The following HBS1L variants were observed in gnomAD, a reference collection of about 807,000 sequenced individuals.
The protein encoded by HBS1L is HBS1-like protein.
Under a neutral mutation model 88.9 loss-of-function variants are expected in HBS1L, and 55 were observed. That is an observed-to-expected ratio of 0.62 (90% CI 0.50 to 0.77). HBS1L has a LOEUF of 0.77. HBS1L is among the 30% of genes least tolerant of loss of function. The pLI, the probability that HBS1L is intolerant of heterozygous loss-of-function variation, is 0.00. For synonymous variants in HBS1L, 267 were observed against 288.5 expected, an observed-to-expected ratio of 0.93 and a Z score of 0.76; for missense variants, 741 against 829.3, an observed-to-expected ratio of 0.89 and a Z score of 1.31.
At chr6:135,019,931 T>C (rs1214326485) in intron 4 of HBS1L, among the ~76,000 whole-genome samples, 2 of 151,856 alleles carry the variant, frequency 1.3e-5, no homozygotes, top group South Asian at 2.1e-4. Context: ...ATAACTATTG[T>C]AGTTTGATCT....
chr6:135,030,367 A>G (rs1483058813), intron 4 of HBS1L, among the ~76,000 whole-genome samples: 2 of 152,144 alleles, frequency 1.3e-5, no homozygotes, highest in Admixed American at 6.5e-5. Context: ...AGTGATATCG[A>G]AACTGCAATT....
chr6:135,011,388 C>T (rs1207871510), intron 4 of HBS1L, among the ~76,000 whole-genome samples: 2 of 152,108 alleles, frequency 1.3e-5, no homozygotes, highest in African/African-American at 4.8e-5. Context: ...GGCGTATTAA[C>T]ATGCACCTGT....
chr6:135,050,831 T>C (rs903397610), intron 1 of HBS1L, among the ~76,000 whole-genome samples, 184 bp from the exon 2 acceptor site: 1 of 152,256 alleles, frequency 6.6e-6, no homozygotes, highest in Non-Finnish European at 1.5e-5. Context: ...TTACTAACTC[T>C]ATATTTATAA....
At chr6:134,973,769 G>A (rs1774561552) in intron 15 of HBS1L, among the ~76,000 whole-genome samples, 1 of 152,070 alleles carries the variant, frequency 6.6e-6, no homozygotes. Context: ...CCAGGAGGCA[G>A]AGGTTTCAGT....
At chr6:135,003,124 C>T (rs1390770804) in intron 4 of HBS1L, among the ~76,000 whole-genome samples, 1 of 152,116 alleles carries the variant, frequency 6.6e-6, no homozygotes, top group Non-Finnish European at 1.5e-5. Flanking sequence ...TAAGAGGTCA[C>T]AAGGTAGTTT....
Position 135,002,986 on chromosome 6 carries a change from G to C in HBS1L, c.431-144C>G, listed in dbSNP as rs576474065. The C allele has an allele frequency of 1.0e-3, 538 of 528,160 alleles. 1 individual carries two copies. Among genetic ancestry groups the C allele is most frequent in the Non-Finnish European group, 7.2e-4 (215 of 299,500 alleles). 32.7% of individuals were successfully genotyped at this position (528,160 alleles called of 1,614,324 possible). Reference sequence around the variant, plus strand: ...AACACATTATCTCTAAAAAAATTTAGTAAGATATTAATGCTGAAAGAAATT... The same window carrying C: ...AACACATTATCTCTAAAAAAATTTACTAAGATATTAATGCTGAAAGAAATT... On this transcript the variant is annotated intron_variant, in intron 4 of 17. Transcript: ENST00000367837.
At chr6:135,041,650 T>G (rs1178186814) in intron 3 of HBS1L, among the ~76,000 whole-genome samples, 1 of 152,162 alleles carries the variant, frequency 6.6e-6, no homozygotes, top group Non-Finnish European at 1.5e-5. Flanking sequence ...AAGGAGTTTA[T>G]GTATTCTAAT....
At chr6:134,965,371 G>T in intron 17 of HBS1L, 81 bp from the exon 18 acceptor site, 1 of 921,754 alleles carries the variant, frequency 1.1e-6, no homozygotes, top group Non-Finnish European at 1.7e-6. Context: ...AAATTATGGT[G>T]AAAGAATTAT....
intron 4 of HBS1L, among the ~76,000 whole-genome samples, chr6:135,017,992 C>CAAAA (rs35746876): frequency 1.4e-5 from 2 of 147,002 alleles, no homozygotes. Context: ...AACAAACAAA[C>CAAAA]AAAAAAAAAA....
intron 4 of HBS1L, among the ~76,000 whole-genome samples, chr6:135,014,340 G>A (rs902863746): frequency 6.6e-6 from 1 of 152,162 alleles, no homozygotes; most frequent in Admixed American, 6.5e-5. Context: ...GCCTAGATAC[G>A]ATCTTGGATC....
chr6:135,042,670 G>A (rs749378721), intron 2 of HBS1L, among the ~76,000 whole-genome samples: 2 of 151,942 alleles, frequency 1.3e-5, no homozygotes, highest in African/African-American at 4.8e-5. Context: ...TTAGCTGGGC[G>A]TGGCAGTGGG....
At chr6:135,000,319 C>T (rs1376603233) in intron 5 of HBS1L, among the ~76,000 whole-genome samples, 1 of 151,306 alleles carries the variant, frequency 6.6e-6, no homozygotes, top group African/African-American at 2.4e-5. Context: ...CCTCAGCCTC[C>T]TAAAGTGCTG....
intron 9 of HBS1L, among the ~76,000 whole-genome samples, chr6:134,987,136 T>C (rs1025720989): frequency 2.0e-5 from 3 of 152,064 alleles, no homozygotes; most frequent in Admixed American, 6.6e-5. Flanking sequence ...ATCTTTAAAA[T>C]AGACTAGAAT....
intron 4 of HBS1L, among the ~76,000 whole-genome samples, chr6:135,006,568 AATG>A (rs1189620785): frequency 6.6e-6 from 1 of 152,172 alleles, no homozygotes. Context: ...AAGGGGGGGA[AATG>A]ATGAAAGAAT....
chr6:134,997,055 G>A (rs1258759440), intron 6 of HBS1L, 113 bp from the exon 7 acceptor site: 4 of 777,162 alleles, frequency 5.1e-6, no homozygotes, highest in South Asian at 2.0e-5. Flanking sequence ...AGTAATACCA[G>A]TATTTATCAA....
chr6:135,016,765 C>A (rs1173193481), intron 4 of HBS1L, among the ~76,000 whole-genome samples: 1 of 151,574 alleles, frequency 6.6e-6, no homozygotes, highest in Non-Finnish European at 1.5e-5. Context: ...ATATATTTTA[C>A]AATATCCAGT....
At chr6:135,035,403 T>C (rs1776504830) in intron 4 of HBS1L, among the ~76,000 whole-genome samples, 1 of 150,820 alleles carries the variant, frequency 6.6e-6, no homozygotes, top group Non-Finnish European at 1.5e-5. Context: ...TGAGCGTCAC[T>C]GCACTCCAGC....
At chr6:135,050,917 T>C (rs1182459562) in intron 1 of HBS1L, among the ~76,000 whole-genome samples, 2 of 152,166 alleles carry the variant, frequency 1.3e-5, no homozygotes, top group African/African-American at 4.8e-5. Flanking sequence ...TAGGATCAAA[T>C]ACAATAATCC....
At chr6:135,012,299 C>T (rs2114837560) in intron 4 of HBS1L, among the ~76,000 whole-genome samples, 1 of 152,200 alleles carries the variant, frequency 6.6e-6, no homozygotes, top group African/African-American at 2.4e-5. Context: ...TATAATATAG[C>T]AATGGTCCTA....
Sources: allele counts gnomAD v4.1 joint callset (sites outside exome capture counted in the v4.1 genomes callset), GRCh38; gene constraint gnomAD v4.1.1; transcripts MANE v1.5; gene names NCBI Gene and HGNC (gene_info 2026-07-23, HGNC 2026-07-21).